CCDC7: variants seen among roughly 807,000 people sequenced by gnomAD.
CCDC7 encodes the protein coiled-coil domain containing 7, also known as coiled-coil domain-containing protein 7.
Under a neutral mutation model 196.9 loss-of-function variants are expected in CCDC7, and 183 were observed. The ratio of observed to expected loss-of-function variants is 0.93; its 90% CI spans 0.82 to 1.05. CCDC7 has a LOEUF of 1.05. Among genes scored for constraint, CCDC7 ranks in the 50% least tolerant of loss-of-function variants. The pLI is 0.00. For synonymous variants in CCDC7, 525 were observed against 484.6 expected (o/e 1.08, Z -1.10); for missense variants, 1,540 against 1,482.2 (o/e 1.04, Z -0.64).
chr10:32,759,485 A>C (rs376411519), intron 28 of CCDC7, among the ~76,000 whole-genome samples: 10 of 151,978 alleles, frequency 6.6e-5, no homozygotes, highest in African/African-American at 1.4e-4. Flanking sequence ...GAAAAACAAG[A>C]AATGGGGAAA....
chr10:32,522,472 C>G (rs530479405), intron 11 of CCDC7, among the ~76,000 whole-genome samples: 6 of 151,940 alleles, frequency 3.9e-5, no homozygotes, highest in African/African-American at 7.2e-5. Context: ...CTCATAGTAG[C>G]CACTAATGAT....
exon 24 of CCDC7, chr10:32,694,971 C>A: frequency 6.3e-7 from 1 of 1,595,588 alleles, no homozygotes; most frequent in South Asian, 1.1e-5. Context: ...CAAAAAACTT[C>A]CTAGAGAGAA....
At chr10:32,791,463 C>A (rs1437414212) in intron 29 of CCDC7, among the ~76,000 whole-genome samples, 1 of 139,902 alleles carries the variant, frequency 7.1e-6, no homozygotes, top group African/African-American at 2.6e-5. Flanking sequence ...TACAAATAGA[C>A]AGTTCACTGA....
chr10:32,580,145 G>C (rs537873702), intron 16 of CCDC7, among the ~76,000 whole-genome samples: 1 of 151,962 alleles, frequency 6.6e-6, no homozygotes, highest in Non-Finnish European at 1.5e-5. Context: ...TCTAGTAAGA[G>C]AATAGTTTTT....
chr10:32,835,849 A>T (rs1472282245), intron 33 of CCDC7, among the ~76,000 whole-genome samples: 1 of 152,194 alleles, frequency 6.6e-6, no homozygotes, highest in Non-Finnish European at 1.5e-5. Context: ...GTTGAAAAAA[A>T]TGAAAACAAA....
intron 9 of CCDC7, among the ~76,000 whole-genome samples, chr10:32,497,042 G>T (rs1165391913): frequency 6.6e-6 from 1 of 152,098 alleles, no homozygotes; most frequent in African/African-American, 2.4e-5. Context: ...TGGTTGGCAG[G>T]CTATTAATTA....
chr10:32,845,408 C>G (rs2093225963), intron 34 of CCDC7, 82 bp downstream of exon 35: 1 of 1,223,018 alleles, frequency 8.2e-7, no homozygotes, highest in Non-Finnish European at 1.2e-6. Flanking sequence ...CCTTTAATAA[C>G]AAAACTACCT....
intron 13 of CCDC7, 42 bp downstream of exon 14, chr10:32,544,343 AC>A: frequency 6.4e-7 from 1 of 1,571,686 alleles, no homozygotes; most frequent in Non-Finnish European, 8.7e-7. Context: ...TTTGATTAAT[AC>A]TTGCTCTGAT....
chr10:32,521,075 A>G (rs965434128), intron 11 of CCDC7, among the ~76,000 whole-genome samples: 3 of 152,018 alleles, frequency 2.0e-5, no homozygotes, highest in Non-Finnish European at 2.9e-5. Flanking sequence ...CCATTGGTCT[A>G]TGTGTCGGCT....
chr10:32,739,745 T>G (rs912553240), intron 28 of CCDC7, among the ~76,000 whole-genome samples: 2 of 152,088 alleles, frequency 1.3e-5, no homozygotes, highest in African/African-American at 4.8e-5. Flanking sequence ...AACTGAGGTA[T>G]GTAAGCATTT....
intron 24 of CCDC7, among the ~76,000 whole-genome samples, chr10:32,697,418 T>C (rs1278036465): frequency 6.6e-6 from 1 of 152,146 alleles, no homozygotes; most frequent in Admixed American, 6.5e-5. Context: ...ATCCCTTTCT[T>C]AGTCAAGGGA....
intron 24 of CCDC7, among the ~76,000 whole-genome samples, chr10:32,704,422 G>C (rs113086235): frequency 1.3e-5 from 2 of 152,060 alleles, no homozygotes; most frequent in Admixed American, 6.5e-5. Flanking sequence ...TTTCCCTACT[G>C]GGGGGTGCCT....
At chr10:32,559,851 G>T (rs975282720) in intron 13 of CCDC7, among the ~76,000 whole-genome samples, 2 of 152,180 alleles carry the variant, frequency 1.3e-5, no homozygotes, top group Non-Finnish European at 2.9e-5. Context: ...AGAGAAGAAG[G>T]CTTCAGACGA....
rs1403945709 is a variant in CCDC7 at position 32,873,193 on chromosome 10, G to A, written c.4112-3154G>A. ...GGTACACCAATCAGACATAGATTTG[G>A]TCTTTTCACATAGTCCCATATTTCT... is the stretch of plus-strand genomic sequence containing the variant. On this transcript the variant is annotated intron_variant, in intron 41 of 41. Coordinates refer to ENST00000639629, the Ensembl canonical transcript of CCDC7. 7.2e-5 allele frequency among the ~76,000 whole-genome samples: 11 copies of A among 152,132 alleles called. 1 individual carries two copies. The highest frequency in any genetic ancestry group is 2.6e-4 in the African/African-American group (11 of 41,524).
chr10:32,812,798 T>A (rs1889828), intron 30 of CCDC7, among the ~76,000 whole-genome samples: 3 of 152,146 alleles, frequency 2.0e-5, no homozygotes, highest in Admixed American at 6.5e-5. Flanking sequence ...TCCCTGATTG[T>A]GTAAGGATCA....
chr10:32,843,538 G>A (rs958398203), intron 33 of CCDC7, among the ~76,000 whole-genome samples: 15 of 151,950 alleles, frequency 9.9e-5, no homozygotes, highest in African/African-American at 3.6e-4. Flanking sequence ...ATACCTCAGT[G>A]AATTCCAGGC....
chr10:32,631,701 C>T (rs978727113), intron 18 of CCDC7, among the ~76,000 whole-genome samples: 12 of 150,680 alleles, frequency 8.0e-5, no homozygotes, highest in African/African-American at 2.7e-4. Context: ...ATTGGTATTT[C>T]GATAGGGATT....
chr10:32,639,141 C>G (rs538793369), intron 20 of CCDC7, among the ~76,000 whole-genome samples: 6 of 152,088 alleles, frequency 3.9e-5, no homozygotes, highest in African/African-American at 1.4e-4. Context: ...ATTAGTCTTG[C>G]TCTAGCGGTC....
intron 25 of CCDC7, among the ~76,000 whole-genome samples, chr10:32,719,298 G>A (rs939118711): frequency 6.6e-6 from 1 of 152,190 alleles, no homozygotes; most frequent in African/African-American, 2.4e-5. Flanking sequence ...TTAATAAATG[G>A]TGTTGGGAAA....
Sources: allele counts gnomAD v4.1 joint callset (sites outside exome capture counted in the v4.1 genomes callset), GRCh38; gene constraint gnomAD v4.1.1; transcripts MANE v1.5; gene names NCBI Gene and HGNC (gene_info 2026-07-23, HGNC 2026-07-21).